The following ARAP2 variants were observed in gnomAD, a reference collection of about 807,000 sequenced individuals.
ARAP2 encodes the protein ArfGAP with RhoGAP domain, ankyrin repeat and PH domain 2.
ARAP2 carries 148 observed loss-of-function variants against 194.5 expected under a neutral mutation model. The ratio of observed to expected loss-of-function variants is 0.76; its 90% CI spans 0.67 to 0.87. The LOEUF (loss-of-function observed/expected upper bound fraction) is 0.87, where lower values mean the gene tolerates loss of function less well. Among genes scored for constraint, ARAP2 ranks in the 40% least tolerant of loss-of-function variants. The pLI is 0.00. For missense variants in ARAP2, 2,128 were observed against 1,989.7 expected (o/e 1.07, Z -1.32); for synonymous variants, 695 against 683.5 (o/e 1.02, Z -0.26).
rs78480628 is a variant in ARAP2 at position 36,128,754 on chromosome 4, A to T, written c.3428-9T>A. 1 of 8,502 alleles carries T rather than the reference A, an allele frequency of 1.2e-4. No individual in the cohort carries two copies. The highest frequency in any genetic ancestry group is 1.5e-4 in the Non-Finnish European group (1 of 6,540). 0.5% of individuals were successfully genotyped at this position (8,502 alleles called of 1,614,324 possible). On this transcript the variant is annotated splice_polypyrimidine_tract_variant and intron_variant, in intron 20 of 32. Coordinates refer to ENST00000303965, the MANE Select transcript of ARAP2 (RefSeq NM_015230.4). ...ATATTTGCATCCTAAACCTTTGTTTAAAAAAAAAAAGTTATACTTTAAAAG... is the reference window on the plus strand; with the variant it reads ...ATATTTGCATCCTAAACCTTTGTTTTAAAAAAAAAAGTTATACTTTAAAAG...
At chr4:36,133,201 T>A in intron 20 of ARAP2, 25 bp downstream of exon 20, 1 of 1,607,676 alleles carries the variant, frequency 6.2e-7, no homozygotes, top group Non-Finnish European at 8.5e-7. Context: ...TTCTAAGGGT[T>A]GAATAAAAAC....
intron 5 of ARAP2, among the ~76,000 whole-genome samples, chr4:36,026,294 C>T (rs1193614563): frequency 6.6e-6 from 1 of 152,168 alleles, no homozygotes; most frequent in Non-Finnish European, 1.5e-5. Context: ...GAGCTGTAGC[C>T]TGTGATTCAC....
chr4:36,164,626 T>A, intron 11 of ARAP2, among the ~76,000 whole-genome samples: 1 of 152,192 alleles, frequency 6.6e-6, no homozygotes, highest in East Asian at 1.9e-4. Flanking sequence ...GGATCCATAC[T>A]AAAACATACT....
At chr4:36,096,374 A>AAAAAAAAAAAG (rs796310005) in intron 27 of ARAP2, among the ~76,000 whole-genome samples, 11,816 of 140,400 alleles carry the variant, frequency 0.084, 1,345 homozygotes, top group African/African-American at 0.25. Context: ...AAAAAAAAAA[A>AAAAAAAAAAAG]AAAAAAGAAA....
chr4:36,084,890 C>T (rs1167617618), intron 28 of ARAP2, among the ~76,000 whole-genome samples: 1 of 151,772 alleles, frequency 6.6e-6, no homozygotes, highest in Admixed American at 6.6e-5. Context: ...TTGAATTTTT[C>T]CCCTTATAGC....
At chr4:36,119,421 C>A (rs1401265897) in intron 24 of ARAP2, among the ~76,000 whole-genome samples, 1 of 151,226 alleles carries the variant, frequency 6.6e-6, no homozygotes, top group African/African-American at 2.4e-5. Flanking sequence ...TAAAGAAAAC[C>A]TTGAAAGGTA....
intron 1 of ARAP2, among the ~76,000 whole-genome samples, chr4:36,238,268 C>A (rs1219693646): frequency 6.6e-6 from 1 of 152,210 alleles, no homozygotes; most frequent in Non-Finnish European, 1.5e-5. Context: ...CATCTTCTTT[C>A]ATTCTCCCTC....
chr4:36,065,270 G>C, downstream of ARAP2: 4 of 439,594 alleles, frequency 9.1e-6, no homozygotes, highest in Non-Finnish European at 1.9e-5. Flanking sequence ...GCCTTGTTGA[G>C]GGCCAACACC....
chr4:36,008,111 G>A (rs370733310), intron 9 of ARAP2, among the ~76,000 whole-genome samples: 124 of 152,004 alleles, frequency 8.2e-4, no homozygotes, highest in African/African-American at 1.2e-3. Flanking sequence ...TAAAATACCC[G>A]TACTGCCCAA....
At chr4:36,135,227 T>A (rs1485301708) in intron 19 of ARAP2, among the ~76,000 whole-genome samples, 1 of 151,756 alleles carries the variant, frequency 6.6e-6, no homozygotes, top group African/African-American at 2.4e-5. Context: ...ACCGCATGAA[T>A]TCTGGGGCTT....
chr4:36,188,503 A>G (rs1361578041), intron 7 of ARAP2, among the ~76,000 whole-genome samples: 1 of 152,190 alleles, frequency 6.6e-6, no homozygotes, highest in Non-Finnish European at 1.5e-5. Flanking sequence ...CTTAATTTTA[A>G]CCAGATAGAC....
intron 26 of ARAP2, among the ~76,000 whole-genome samples, chr4:36,108,015 C>G (rs1166707869): frequency 2.0e-5 from 3 of 151,602 alleles, no homozygotes; most frequent in Admixed American, 2.0e-4. Context: ...AAATTCTACC[C>G]CTTGTACAAT....
At chr4:36,084,783 G>T (rs1230570772) in intron 28 of ARAP2, among the ~76,000 whole-genome samples, 2 of 151,934 alleles carry the variant, frequency 1.3e-5, no homozygotes, top group Non-Finnish European at 2.9e-5. Context: ...GTGACCAAAG[G>T]CCTGGAATTT....
chr4:36,046,042 T>G (rs1273389131), exon 5 of ARAP2: 1 of 152,218 alleles, frequency 6.6e-6, no homozygotes, highest in Non-Finnish European at 1.5e-5. Context: ...ACTCCAGAGA[T>G]TCCTTTGTTA....
At chr4:36,222,723 G>C (rs951885481) in intron 2 of ARAP2, among the ~76,000 whole-genome samples, 1 of 150,150 alleles carries the variant, frequency 6.7e-6, no homozygotes. Context: ...ACTATGGCAA[G>C]ATTTTTTTTT....
chr4:36,078,025 T>C (rs537925455), intron 31 of ARAP2, among the ~76,000 whole-genome samples: 1 of 152,278 alleles, frequency 6.6e-6, no homozygotes, highest in East Asian at 1.9e-4. Flanking sequence ...CATGCTCTCC[T>C]TACCTGCCAT....
chr4:36,059,398 G>A (rs532512122), intron 1 of ARAP2, among the ~76,000 whole-genome samples: 23 of 152,258 alleles, frequency 1.5e-4, no homozygotes, highest in Admixed American at 1.2e-3. Flanking sequence ...GGCCTCTTGA[G>A]CTAGACCTCC....
At chr4:36,217,398 T>G (rs977145581) in intron 2 of ARAP2, among the ~76,000 whole-genome samples, 1 of 152,130 alleles carries the variant, frequency 6.6e-6, no homozygotes, top group Non-Finnish European at 1.5e-5. Context: ...CAGGCACCTG[T>G]GATCCCAGAT....
chr4:36,134,735 T>TACACAC lies in ARAP2; in HGVS notation c.3264-1352_3264-1347dup, dbSNP rs71199697. On this transcript the variant is annotated intron_variant, in intron 19 of 32. Coordinates refer to ENST00000303965, the MANE Select transcript of ARAP2 (RefSeq NM_015230.4). ...CTCAGGAAACATAAACACACACAAA[T>TACACAC]ACACACACACACACACACACACACA... Among the ~76,000 whole-genome samples the TACACAC allele has an allele frequency of 1.3e-3, 187 of 148,162 alleles. 1 individual carries two copies. Among genetic ancestry groups the TACACAC allele is most frequent in the African/African-American group, 3.6e-3 (143 of 40,204 alleles).
Sources: gnomAD v4.1 joint callset for allele counts (sites outside exome capture counted in the v4.1 genomes callset) on GRCh38, gnomAD v4.1.1 for gene constraint, MANE v1.5 for transcripts, NCBI Gene and HGNC (gene_info 2026-07-23, HGNC 2026-07-21) for gene names.